Variants in CLYBL observed in about 807,000 individuals in gnomAD.
CLYBL encodes the protein citramalyl-CoA lyase, mitochondrial.
Under a neutral mutation model 38.9 loss-of-function variants are expected in CLYBL, and 31 were observed. The observed-to-expected ratio is 0.80, with a 90% CI of 0.60 to 1.08. CLYBL has a LOEUF of 1.08. CLYBL is among the 50% of genes least tolerant of loss of function. The probability of loss-of-function intolerance (pLI) is 0.00; values close to 1 mark genes in which losing one functional copy is unlikely to be tolerated. For synonymous variants in CLYBL, 171 were observed against 158.6 expected (o/e 1.08, Z -0.59); for missense variants, 434 against 411.6 (o/e 1.05, Z -0.47).
intron 1 of CLYBL, among the ~76,000 whole-genome samples, chr13:99,764,415 C>G (rs1160993862): frequency 3.3e-5 from 5 of 152,176 alleles, no homozygotes; most frequent in Admixed American, 6.5e-5. Flanking sequence ...TTCAGTATCA[C>G]TACTCGTTAT....
intron 1 of CLYBL, among the ~76,000 whole-genome samples, chr13:99,740,574 T>C (rs1594151763): frequency 6.6e-6 from 1 of 152,236 alleles, no homozygotes; most frequent in Non-Finnish European, 1.5e-5. Context: ...TTAGTTCATA[T>C]GCATTCAGGA....
chr13:99,752,407 G>T (rs531251608), intron 1 of CLYBL, among the ~76,000 whole-genome samples: 1 of 152,256 alleles, frequency 6.6e-6, no homozygotes. Context: ...GCCCACAGGG[G>T]GCCTGTGGCA....
intron 2 of CLYBL, among the ~76,000 whole-genome samples, chr13:99,818,035 A>G (rs1295982370): frequency 6.7e-6 from 1 of 149,280 alleles, no homozygotes; most frequent in Non-Finnish European, 1.5e-5. Context: ...GAAGGAAGGA[A>G]GGGAGGGAGG....
At chr13:99,845,157 C>G (rs1402780180) in intron 2 of CLYBL, among the ~76,000 whole-genome samples, 1 of 152,174 alleles carries the variant, frequency 6.6e-6, no homozygotes, top group African/African-American at 2.4e-5. Flanking sequence ...AGGAGACTTT[C>G]ATCTTCATCT....
rs761718444 is a variant in CLYBL, at chr13:99,779,288, G to A, written c.249+6278G>A. ...CTCCCAAGTAGCTGGGATTACAGGCGCCTGCCACCACGCCCAGTTAATTTT... is the reference window on the plus strand; with the variant it reads ...CTCCCAAGTAGCTGGGATTACAGGCACCTGCCACCACGCCCAGTTAATTTT... On this transcript the variant is annotated intron_variant, in intron 2 of 8. Transcript: ENST00000339105. 5.3e-5 allele frequency among the ~76,000 whole-genome samples: 8 copies of A among 152,060 alleles called. 1 individual carries two copies. Among genetic ancestry groups the A allele is most frequent in the Middle Eastern group, 3.4e-3 (1 of 294 alleles).
At chr13:99,797,364 T>C (rs1386334177) in intron 2 of CLYBL, among the ~76,000 whole-genome samples, 1 of 152,242 alleles carries the variant, frequency 6.6e-6, no homozygotes, top group Non-Finnish European at 1.5e-5. Context: ...AAAATAACTC[T>C]GAACTGTCTC....
rs1352787466 is a variant in CLYBL, at chr13:99,849,667, T to C, written c.250-9194T>C. 6.6e-6 allele frequency among the ~76,000 whole-genome samples: 1 copy of C among 152,206 alleles called. No homozygotes were observed. The highest frequency in any genetic ancestry group is 2.4e-5 in the African/African-American group (1 of 41,438). On this transcript the variant is annotated intron_variant, in intron 2 of 8. Coordinates refer to ENST00000339105, the MANE Select transcript of CLYBL (RefSeq NM_206808.5). The surrounding 1 kb of genome is among the most constrained non-coding windows in gnomAD (Gnocchi z 4.9). ...TGCCTCAGAGGCCCATAAGGATGCC[T>C]GTCAAGGTCTTCGCAGAAATACCAA...
At chr13:99,656,644 C>G (rs886385399) in intron 1 of CLYBL, among the ~76,000 whole-genome samples, 64 of 152,258 alleles carry the variant, frequency 4.2e-4, no homozygotes, top group Middle Eastern at 3.4e-3. Context: ...CTCTCTCAGT[C>G]ACTCTGAGGG....
intron 1 of CLYBL, among the ~76,000 whole-genome samples, chr13:99,755,824 G>A (rs762204190): frequency 1.3e-5 from 2 of 152,288 alleles, no homozygotes; most frequent in East Asian, 3.9e-4. Context: ...GGATGGGGGA[G>A]TAGACCAGGC....
At chr13:99,620,463 T>C (rs529280871) in intron 1 of CLYBL, among the ~76,000 whole-genome samples, 1 of 152,288 alleles carries the variant, frequency 6.6e-6, no homozygotes, top group South Asian at 2.1e-4. Flanking sequence ...GTGTAGCCCT[T>C]CTCAAGTGCT....
At chr13:99,802,135 T>C (rs551027848) in intron 2 of CLYBL, among the ~76,000 whole-genome samples, 2 of 152,322 alleles carry the variant, frequency 1.3e-5, no homozygotes, top group East Asian at 3.9e-4. Flanking sequence ...AACAAACATT[T>C]ATTTCTTACA....
chr13:99,680,114 C>CTACTA (rs2047713488), intron 1 of CLYBL, among the ~76,000 whole-genome samples: 1 of 152,096 alleles, frequency 6.6e-6, no homozygotes, highest in Admixed American at 6.5e-5. Context: ...TAAAGTTGGC[C>CTACTA]TACTAATTAA....
At chr13:99,656,399 G>C (rs1400367448) in intron 1 of CLYBL, among the ~76,000 whole-genome samples, 1 of 152,158 alleles carries the variant, frequency 6.6e-6, no homozygotes, top group Non-Finnish European at 1.5e-5. Flanking sequence ...CTTTGTATCT[G>C]TCATCCCGCC....
At chr13:99,857,786 T>A (rs1161752743) in intron 2 of CLYBL, among the ~76,000 whole-genome samples, 2 of 152,252 alleles carry the variant, frequency 1.3e-5, no homozygotes, top group Non-Finnish European at 2.9e-5. Flanking sequence ...AGATCAGTAT[T>A]GCTTTTCAAA....
intron 1 of CLYBL, among the ~76,000 whole-genome samples, chr13:99,635,097 C>T (rs550593210): frequency 2.6e-5 from 4 of 152,224 alleles, no homozygotes; most frequent in African/African-American, 7.2e-5. Flanking sequence ...GTTCCCATCT[C>T]GGGTGATCAG....
chr13:99,890,113 G>A (rs543499807), intron 7 of CLYBL, among the ~76,000 whole-genome samples: 4 of 152,278 alleles, frequency 2.6e-5, no homozygotes, highest in Admixed American at 6.5e-5. Flanking sequence ...CTTTCTGTCC[G>A]TTTAATCTAT....
chr13:99,640,811 C>T (rs975006746), intron 1 of CLYBL, among the ~76,000 whole-genome samples: 1 of 152,184 alleles, frequency 6.6e-6, no homozygotes, highest in African/African-American at 2.4e-5. Context: ...TTTGACTGCT[C>T]AGGAAATTTG....
At chr13:99,816,293 C>T (rs758409863) in intron 2 of CLYBL, among the ~76,000 whole-genome samples, 2 of 152,218 alleles carry the variant, frequency 1.3e-5, no homozygotes, top group African/African-American at 2.4e-5. Flanking sequence ...AACCTTGGGA[C>T]AGATATCTGT....
intron 2 of CLYBL, among the ~76,000 whole-genome samples, chr13:99,853,825 T>C (rs781573448): frequency 6.6e-6 from 1 of 152,262 alleles, no homozygotes; most frequent in Non-Finnish European, 1.5e-5. Context: ...TTAAATAGAA[T>C]AAATTCGTTC....
Sources: gnomAD v4.1 joint callset for allele counts (sites outside exome capture counted in the v4.1 genomes callset) on GRCh38, gnomAD v4.1.1 for gene constraint, Gnocchi (gnomAD v3.1) non-coding constraint, MANE v1.5 for transcripts, NCBI Gene and HGNC (gene_info 2026-07-23, HGNC 2026-07-21) for gene names.